The following SNRK variants were observed in gnomAD, a reference collection of about 807,000 sequenced individuals.
SNRK encodes the protein SNF related kinase.
Under a neutral mutation model 48.2 loss-of-function variants are expected in SNRK, and 3 were observed. That is an observed-to-expected ratio of 0.06 (90% CI 0.03 to 0.16). The LOEUF is 0.16. SNRK is among the 10% of genes least tolerant of loss of function. The pLI is 1.00. For synonymous variants in SNRK, 376 were observed against 366.1 expected (o/e 1.03, Z -0.31); for missense variants, 627 against 976.0 (o/e 0.64, Z 4.76).
chr3:43,304,628 G>A (rs1356757727), intron 3 of SNRK, among the ~76,000 whole-genome samples: 5 of 152,024 alleles, frequency 3.3e-5, no homozygotes, highest in Non-Finnish European at 5.9e-5. Flanking sequence ...TTGTTGATCC[G>A]AAGGTGCAGT....
intron 4 of SNRK, among the ~76,000 whole-genome samples, chr3:43,338,098 AC>A: frequency 6.6e-6 from 1 of 152,276 alleles, no homozygotes; most frequent in African/African-American, 2.4e-5. Context: ...TATTTTAACT[AC>A]CATCCAATAT....
chr3:43,295,302 AC>A (rs1457935827), intron 1 of SNRK, among the ~76,000 whole-genome samples: 3 of 152,266 alleles, frequency 2.0e-5, no homozygotes, highest in African/African-American at 7.2e-5. Flanking sequence ...TTAAACCAGT[AC>A]TTCAAGGATT....
At chr3:43,334,669 C>T (rs2091173133) in intron 4 of SNRK, among the ~76,000 whole-genome samples, 1 of 151,812 alleles carries the variant, frequency 6.6e-6, no homozygotes, top group Non-Finnish European at 1.5e-5. Context: ...TCTCGGCTCA[C>T]TTCAGCCTCC....
At chr3:43,338,863 G>T (rs1032660931) in intron 4 of SNRK, among the ~76,000 whole-genome samples, 1 of 152,082 alleles carries the variant, frequency 6.6e-6, no homozygotes, top group Non-Finnish European at 1.5e-5. Flanking sequence ...ATAGTATAAA[G>T]TATCATCTTT....
At chr3:43,344,569 A>G (rs1411352585) in intron 6 of SNRK, among the ~76,000 whole-genome samples, 1 of 152,160 alleles carries the variant, frequency 6.6e-6, no homozygotes, top group Non-Finnish European at 1.5e-5. Context: ...GGGGGAGGAA[A>G]ACATTCCCAG....
chr3:43,338,648 CTCT>C (rs1209937906), intron 4 of SNRK, among the ~76,000 whole-genome samples: 2 of 152,138 alleles, frequency 1.3e-5, no homozygotes, highest in Non-Finnish European at 2.9e-5. Flanking sequence ...TCACTCTGTC[CTCT>C]TCTTTTTATA....
intron 1 of SNRK, among the ~76,000 whole-genome samples, chr3:43,291,689 C>CT (rs935052899): frequency 6.6e-6 from 1 of 152,152 alleles, no homozygotes; most frequent in Admixed American, 6.5e-5. Flanking sequence ...ACTTGTTGGG[C>CT]TGTAGATCCT....
chr3:43,299,129 G>C (rs556926322), intron 1 of SNRK, among the ~76,000 whole-genome samples: 2 of 152,074 alleles, frequency 1.3e-5, no homozygotes, highest in Admixed American at 6.5e-5. Flanking sequence ...ATGTGAGTTC[G>C]GGGCCTGTTG....
chr3:43,345,730 G>T (rs1176561069), intron 6 of SNRK, among the ~76,000 whole-genome samples: 1 of 152,198 alleles, frequency 6.6e-6, no homozygotes, highest in African/African-American at 2.4e-5. Context: ...GAAAGGAGTG[G>T]TGTTGGTACA....
At chr3:43,302,807 T>C (rs1256208036) in intron 2 of SNRK, among the ~76,000 whole-genome samples, 1 of 152,190 alleles carries the variant, frequency 6.6e-6, no homozygotes, top group Non-Finnish European at 1.5e-5. Context: ...TTTTTAAACA[T>C]GCTTATCAAA....
intron 5 of SNRK, among the ~76,000 whole-genome samples, chr3:43,341,326 A>G (rs2091235254): frequency 6.6e-6 from 1 of 151,636 alleles, no homozygotes; most frequent in African/African-American, 2.4e-5. Context: ...AATTTTTTCT[A>G]TTTTTTAGTA....
At chr3:43,331,594 A>C (rs1290931555) in intron 3 of SNRK, among the ~76,000 whole-genome samples, 2 of 152,188 alleles carry the variant, frequency 1.3e-5, no homozygotes, top group African/African-American at 4.8e-5. Flanking sequence ...GTGTCTCTTA[A>C]GTAACCAAGT....
intron 3 of SNRK, among the ~76,000 whole-genome samples, chr3:43,317,164 C>T (rs1452603032): frequency 6.6e-6 from 1 of 152,144 alleles, no homozygotes. Flanking sequence ...CAAAGCAGAA[C>T]TCATACGCTG....
At chr3:43,327,169 A>G (rs376222516) in intron 3 of SNRK, among the ~76,000 whole-genome samples, 4 of 152,228 alleles carry the variant, frequency 2.6e-5, no homozygotes, top group Non-Finnish European at 5.9e-5. Context: ...AATGCAGACA[A>G]GTAGTTCTTC....
At chr3:43,331,361 A>G (rs1438528309) in intron 3 of SNRK, among the ~76,000 whole-genome samples, 2 of 152,168 alleles carry the variant, frequency 1.3e-5, no homozygotes, top group Non-Finnish European at 2.9e-5. Flanking sequence ...TGAAAGAGGT[A>G]AGGAGTTGTT....
intron 2 of SNRK, among the ~76,000 whole-genome samples, chr3:43,301,448 A>G (rs1221944874): frequency 1.3e-5 from 2 of 152,106 alleles, no homozygotes; most frequent in African/African-American, 2.4e-5. Flanking sequence ...AGAGCAGCCT[A>G]TTGCCTTAGC....
intron 3 of SNRK, among the ~76,000 whole-genome samples, chr3:43,327,988 T>A (rs1224520032): frequency 6.6e-6 from 1 of 152,056 alleles, no homozygotes; most frequent in Admixed American, 6.6e-5. Flanking sequence ...CCAATTACAT[T>A]TATTAAATAT....
Position 43,347,526 on chromosome 3 carries a change from G to C in SNRK, c.1267G>C (p.Ala423Pro), listed in dbSNP as rs1172161441. 1 of 1,613,360 alleles carries C rather than the reference G, an allele frequency of 6.2e-7. No individual in the cohort carries two copies. Among genetic ancestry groups the C allele is most frequent in the Admixed American group, 1.7e-5 (1 of 59,862 alleles). The change falls in exon 7 of 7, where the codon GCA becomes CCA. Residue 423 changes from alanine to proline, a missense_variant. Physicochemically the swap from Ala to Pro is conservative, Grantham distance 27 (BLOSUM62 -1). Transcript: ENST00000296088. The surrounding 1 kb of genome is among the most constrained non-coding windows in gnomAD (Gnocchi z 5.4). Reference protein sequence around the residue: ...KDDLPELAGPALSTVPPASLK... With the variant: ...KDDLPELAGPPLSTVPPASLK... Reference sequence around the variant, plus strand: ...TGACCTCCCTGAGTTGGCTGGACCAGCACTCTCTACGGTGCCACCCGCAAG... The same window carrying C: ...TGACCTCCCTGAGTTGGCTGGACCACCACTCTCTACGGTGCCACCCGCAAG...
chr3:43,298,277 A>G (rs1293386076), intron 1 of SNRK, among the ~76,000 whole-genome samples: 4 of 152,158 alleles, frequency 2.6e-5, no homozygotes, highest in African/African-American at 7.2e-5. Context: ...TAGAACCAGT[A>G]CTTATTACTG....
Sources: gnomAD v4.1 joint callset for allele counts (sites outside exome capture counted in the v4.1 genomes callset) on GRCh38, gnomAD v4.1.1 for gene constraint, Gnocchi (gnomAD v3.1) non-coding constraint, MANE v1.5 for transcripts, NCBI Gene and HGNC (gene_info 2026-07-23, HGNC 2026-07-21) for gene names.